IQSEC1: variants seen among roughly 807,000 people sequenced by gnomAD.
IQSEC1 encodes IQ motif and SEC7 domain-containing protein 1.
A neutral mutation model predicts 91.0 loss-of-function variants in IQSEC1; 31 were observed. The ratio of observed to expected loss-of-function variants is 0.34; its 90% confidence interval spans 0.26 to 0.46. IQSEC1 has a LOEUF of 0.46. Ranked by LOEUF, IQSEC1 falls within the 20% of genes least tolerant of loss-of-function variation. The probability of loss-of-function intolerance (pLI) is 1.00; values close to 1 mark genes in which losing one functional copy is unlikely to be tolerated. For synonymous variants in IQSEC1, 699 were observed against 662.6 expected, an observed-to-expected ratio of 1.05 and a Z score of -0.84; for missense variants, 1,388 against 1,575.6, an observed-to-expected ratio of 0.88 and a Z score of 2.02.
chr3:13,270,274 G>A (rs1262454061), intron 1 of IQSEC1, among the ~76,000 whole-genome samples: 1 of 152,312 alleles, frequency 6.6e-6, no homozygotes, highest in Non-Finnish European at 1.5e-5. Flanking sequence ...TAATTAATTT[G>A]TTACAGGCCA....
exon 1 of IQSEC1, among the ~76,000 whole-genome samples, chr3:13,283,139 C>A (rs929364350): frequency 6.9e-6 from 1 of 145,334 alleles, no homozygotes. Context: ...GCCCCCGGGG[C>A]CCCCGCGCCT....
At chr3:12,915,572 C>T (rs202118616) in intron 7 of IQSEC1, 22 bp downstream of exon 7, 24 of 1,609,866 alleles carry the variant, frequency 1.5e-5, no homozygotes, top group South Asian at 4.4e-5. Context: ...GGGCCCACCA[C>T]GTACCAGGGC....
intron 2 of IQSEC1, among the ~76,000 whole-genome samples, chr3:13,127,444 A>AC (rs1221844616): frequency 3.0e-5 from 4 of 134,358 alleles, no homozygotes; most frequent in African/African-American, 1.1e-4. Flanking sequence ...CAAACAAACA[A>AC]AAAAAAAAAA....
chr3:13,246,716 T>C (rs9824456), intron 1 of IQSEC1, among the ~76,000 whole-genome samples: 62,782 of 151,962 alleles, frequency 0.41, 16,088 homozygotes, highest in African/African-American at 0.74. Flanking sequence ...AAACAGCTTG[T>C]TCATCAGTGT....
chr3:13,034,635 C>T (rs1293523624), intron 1 of IQSEC1, among the ~76,000 whole-genome samples: 2 of 152,168 alleles, frequency 1.3e-5, no homozygotes, highest in African/African-American at 2.4e-5. Flanking sequence ...GCCCGTGACT[C>T]GCACTAGGAG....
At chr3:12,985,463 G>A (rs550545463) in intron 1 of IQSEC1, among the ~76,000 whole-genome samples, 280 of 150,336 alleles carry the variant, frequency 1.9e-3, no homozygotes, top group Non-Finnish European at 3.6e-3. Flanking sequence ...ACTGGGCACA[G>A]AGACACCGTT....
intron 1 of IQSEC1, among the ~76,000 whole-genome samples, chr3:12,958,819 T>A (rs982472650): frequency 6.6e-6 from 1 of 152,144 alleles, no homozygotes; most frequent in African/African-American, 2.4e-5. Flanking sequence ...GCAAACACAC[T>A]CATACTGAGG....
intron 2 of IQSEC1, among the ~76,000 whole-genome samples, chr3:13,148,297 G>A (rs1238444606): frequency 6.6e-6 from 1 of 152,088 alleles, no homozygotes; most frequent in Non-Finnish European, 1.5e-5. Context: ...GGGAGGCCTG[G>A]TACGGGGGCA....
At chr3:13,030,382 G>A (rs564737425) in intron 1 of IQSEC1, among the ~76,000 whole-genome samples, 40 of 152,342 alleles carry the variant, frequency 2.6e-4, no homozygotes, top group African/African-American at 8.7e-4. Flanking sequence ...TTATAGGCAT[G>A]AGCCACCACG....
At chr3:13,167,056 G>C (rs887160489) in intron 1 of IQSEC1, among the ~76,000 whole-genome samples, 5 of 152,142 alleles carry the variant, frequency 3.3e-5, no homozygotes, top group African/African-American at 1.2e-4. Context: ...TACGTGTGTG[G>C]TACACTGTAT....
chr3:13,104,860 G>C (rs1023806964), intron 2 of IQSEC1, among the ~76,000 whole-genome samples: 12 of 152,204 alleles, frequency 7.9e-5, no homozygotes, highest in African/African-American at 2.9e-4. Flanking sequence ...GTGTGCTGCG[G>C]CAGGACCAGG....
chr3:13,032,550 TGA>T (rs2125013075), intron 1 of IQSEC1, among the ~76,000 whole-genome samples: 1 of 152,156 alleles, frequency 6.6e-6, no homozygotes, highest in East Asian at 1.9e-4. Flanking sequence ...CCCCATATTT[TGA>T]ACCAAGTAGA....
intron 1 of IQSEC1, among the ~76,000 whole-genome samples, chr3:13,196,041 G>A (rs1038843591): frequency 2.0e-5 from 3 of 152,066 alleles, no homozygotes; most frequent in African/African-American, 4.8e-5. Flanking sequence ...TAAGAGTTTC[G>A]GTTTTTTACA....
intron 6 of IQSEC1, among the ~76,000 whole-genome samples, chr3:12,917,696 A>G (rs750756393): frequency 1.3e-5 from 2 of 152,356 alleles, no homozygotes; most frequent in East Asian, 1.9e-4. Context: ...TGGAGATGCT[A>G]TAAGTATCCG....
At chr3:13,136,265 C>A (rs949872977) in intron 2 of IQSEC1, among the ~76,000 whole-genome samples, 1 of 152,222 alleles carries the variant, frequency 6.6e-6, no homozygotes, top group African/African-American at 2.4e-5. Context: ...ATGAAGGTCA[C>A]CCGACTCACA....
At chr3:13,101,826 C>A (rs1424931624) in intron 2 of IQSEC1, among the ~76,000 whole-genome samples, 1 of 152,026 alleles carries the variant, frequency 6.6e-6, no homozygotes, top group Non-Finnish European at 1.5e-5. Context: ...CAGAGATAAA[C>A]CCTGATGAAG....
chr3:13,217,861 T>G (rs1694579380), intron 1 of IQSEC1, among the ~76,000 whole-genome samples: 1 of 152,206 alleles, frequency 6.6e-6, no homozygotes, highest in African/African-American at 2.4e-5. Flanking sequence ...AGACTCTTGC[T>G]GTTTCACCCC....
chr3:13,053,054 A>G, intron 1 of IQSEC1: 1 of 1,094,966 alleles, frequency 9.1e-7, no homozygotes, highest in Non-Finnish European at 1.4e-6. Context: ...TCCACGGGGG[A>G]ATGGGACGAT....
intron 1 of IQSEC1, among the ~76,000 whole-genome samples, chr3:13,067,630 C>T (rs564419602): frequency 2.4e-4 from 36 of 152,350 alleles, no homozygotes; most frequent in Admixed American, 2.2e-3. Context: ...GACCACCCTC[C>T]TTCCCTTCCT....
Sources: gnomAD v4.1 joint callset for allele counts (sites outside exome capture counted in the v4.1 genomes callset) on GRCh38, gnomAD v4.1.1 for gene constraint, MANE v1.5 for transcripts, NCBI Gene and HGNC (gene_info 2026-07-23, HGNC 2026-07-21) for gene names.